The following TMEM132D variants were observed in gnomAD, a reference collection of about 807,000 sequenced individuals.
TMEM132D encodes the protein transmembrane protein 132D.
Under a neutral mutation model 62.3 loss-of-function variants are expected in TMEM132D, and 21 were observed. The ratio of observed to expected loss-of-function variants is 0.34; its 90% CI spans 0.24 to 0.49. The LOEUF (loss-of-function observed/expected upper bound fraction) is 0.49, where lower values mean the gene tolerates loss of function less well. Ranked by LOEUF, TMEM132D falls within the 20% of genes least tolerant of loss-of-function variation. The pLI is 0.99. For synonymous variants in TMEM132D, 621 were observed against 575.6 expected (o/e 1.08, Z -1.13); for missense variants, 1,346 against 1,402.8 (o/e 0.96, Z 0.65).
intron 1 of TMEM132D, among the ~76,000 whole-genome samples, chr12:129,703,481 T>G (rs1195614451): frequency 6.7e-6 from 1 of 148,532 alleles, no homozygotes; most frequent in Non-Finnish European, 1.5e-5. Flanking sequence ...TTTTTTTAAC[T>G]AATACTACAA....
intron 3 of TMEM132D, among the ~76,000 whole-genome samples, chr12:129,466,624 C>A (rs531681960): frequency 2.0e-5 from 3 of 152,146 alleles, no homozygotes; most frequent in Non-Finnish European, 4.4e-5. Context: ...ACTTAACACA[C>A]ACTTATTAGG....
chr12:129,435,014 A>G (rs945312264), intron 3 of TMEM132D, among the ~76,000 whole-genome samples: 1 of 152,148 alleles, frequency 6.6e-6, no homozygotes, highest in African/African-American at 2.4e-5. Flanking sequence ...TTACTGTGTA[A>G]TTCTATGAGA....
intron 3 of TMEM132D, among the ~76,000 whole-genome samples, chr12:129,461,960 G>A (rs1455342211): frequency 2.0e-5 from 3 of 152,266 alleles, no homozygotes; most frequent in South Asian, 2.1e-4. Flanking sequence ...ATTGAAAATC[G>A]TAGGGGATAG....
At chr12:129,812,891 G>T (rs12228927) in intron 1 of TMEM132D, among the ~76,000 whole-genome samples, 1 of 151,630 alleles carries the variant, frequency 6.6e-6, no homozygotes, top group African/African-American at 2.4e-5. Context: ...GTGTCCCTAA[G>T]CCTGACAATT....
intron 2 of TMEM132D, among the ~76,000 whole-genome samples, chr12:129,550,085 TTA>T (rs1347588638): frequency 6.6e-6 from 1 of 152,188 alleles, no homozygotes; most frequent in Non-Finnish European, 1.5e-5. Context: ...CCAGCTCTGA[TTA>T]TATAAGAGAC....
chr12:129,543,805 T>A (rs1341592887), intron 2 of TMEM132D, among the ~76,000 whole-genome samples: 1 of 152,218 alleles, frequency 6.6e-6, no homozygotes, highest in Non-Finnish European at 1.5e-5. Flanking sequence ...ATGTAAAGCA[T>A]TTATAGATCC....
chr12:129,557,562 G>T (rs946014473), intron 2 of TMEM132D, among the ~76,000 whole-genome samples: 9 of 149,530 alleles, frequency 6.0e-5, no homozygotes, highest in African/African-American at 2.2e-4. Context: ...AAAAAAATCA[G>T]AAAATTAGCC....
chr12:129,500,873 C>G (rs1430350521), intron 3 of TMEM132D, among the ~76,000 whole-genome samples: 1 of 152,190 alleles, frequency 6.6e-6, no homozygotes, highest in Non-Finnish European at 1.5e-5. Flanking sequence ...GATAAACCAT[C>G]CACCAAGCAG....
At chr12:129,243,726 A>T (rs1342620089) in intron 4 of TMEM132D, among the ~76,000 whole-genome samples, 1 of 152,222 alleles carries the variant, frequency 6.6e-6, no homozygotes, top group East Asian at 1.9e-4. Flanking sequence ...AATGCAAAGT[A>T]AATTAGATTC....
At position 129,082,037 on chromosome 12, in the gene TMEM132D, G is replaced by A. The variant is rs1376673906; in HGVS notation, c.1650-5C>T. The A allele has an allele frequency of 6.3e-7, 1 of 1,596,320 alleles. No homozygotes were observed. Among genetic ancestry groups the A allele is most frequent in the Non-Finnish European group, 8.6e-7 (1 of 1,169,174 alleles). On this transcript the variant is annotated splice_polypyrimidine_tract_variant and splice_region_variant and intron_variant, in intron 6 of 8. Transcript: ENST00000422113. ...TCTTCACTGTCCCCGGCAGGCCTGT[G>A]AAAGAAGCAGTGCAGTTTGCAGACA...
chr12:129,665,025 C>T (rs931943804), intron 2 of TMEM132D, among the ~76,000 whole-genome samples: 5 of 152,232 alleles, frequency 3.3e-5, no homozygotes, highest in South Asian at 4.1e-4. Context: ...AGAGTCTACA[C>T]GCTTAACTAC....
At chr12:129,725,443 C>T (rs1868996452) in intron 1 of TMEM132D, among the ~76,000 whole-genome samples, 1 of 152,204 alleles carries the variant, frequency 6.6e-6, no homozygotes. Flanking sequence ...GCTGGTGATG[C>T]CACCGAACTT....
chr12:129,089,376 A>G lies in TMEM132D; in HGVS notation c.1444-4674T>C, dbSNP rs1406218730. Among the ~76,000 whole-genome samples the G allele has an allele frequency of 5.1e-3, 120 of 23,496 alleles. 4 individuals carry two copies. Among genetic ancestry groups the G allele is most frequent in the African/African-American group, 0.028 (87 of 3,062 alleles). 15.4% of individuals were successfully genotyped at this position (23,496 alleles called of 152,430 possible). Reference sequence around the variant, plus strand: ...GACCGGGGTGTCCTCTATGACCGGGATGTCCTCCATGACCGGGTGTCCTCC... The same window carrying G: ...GACCGGGGTGTCCTCTATGACCGGGGTGTCCTCCATGACCGGGTGTCCTCC... On this transcript the variant is annotated intron_variant, in intron 5 of 8. Transcript: ENST00000422113.
chr12:129,836,245 G>C (rs1002444613), intron 1 of TMEM132D, among the ~76,000 whole-genome samples: 1 of 152,118 alleles, frequency 6.6e-6, no homozygotes, highest in East Asian at 1.9e-4. Flanking sequence ...CCTTTAAAAA[G>C]CTCTGTCTGC....
At chr12:129,145,578 C>A (rs933734969) in intron 5 of TMEM132D, among the ~76,000 whole-genome samples, 1 of 152,102 alleles carries the variant, frequency 6.6e-6, no homozygotes, top group Non-Finnish European at 1.5e-5. Context: ...CTGCCAAGAT[C>A]TTCTGCCTGA....
intron 3 of TMEM132D, among the ~76,000 whole-genome samples, chr12:129,428,426 A>T (rs950223825): frequency 1.2e-4 from 18 of 152,226 alleles, no homozygotes; most frequent in Admixed American, 1.2e-3. Flanking sequence ...AAGGATTCCA[A>T]TTTGCATTTT....
intron 3 of TMEM132D, among the ~76,000 whole-genome samples, chr12:129,415,838 A>ACCCT (rs1292890341): frequency 1.3e-5 from 2 of 151,902 alleles, no homozygotes; most frequent in Non-Finnish European, 2.9e-5. Context: ...CCAGCACCCA[A>ACCCT]CCCTCCCTTT....
At chr12:129,153,568 T>C (rs1877142524) in intron 5 of TMEM132D, among the ~76,000 whole-genome samples, 1 of 152,056 alleles carries the variant, frequency 6.6e-6, no homozygotes, top group African/African-American at 2.4e-5. Context: ...TCTTAACGAT[T>C]TTCACAAGCT....
Position 129,542,657 on chromosome 12 carries a change from C to A in TMEM132D, c.969-11452G>T, listed in dbSNP as rs562180980. On this transcript the variant is annotated intron_variant, in intron 2 of 8. Transcript: ENST00000422113. ...AAATATATGTACACCAATGACAACA[C>A]GCTGTACACACAGTTATACTACATA... Among the ~76,000 whole-genome samples, 3 of 152,036 alleles carry A rather than the reference C, an allele frequency of 2.0e-5. No individual in the cohort carries two copies. The East Asian group carries it at 5.8e-4, about 29-fold the overall frequency.
Sources: gnomAD v4.1 joint callset for allele counts (sites outside exome capture counted in the v4.1 genomes callset) on GRCh38, gnomAD v4.1.1 for gene constraint, MANE v1.5 for transcripts, NCBI Gene and HGNC (gene_info 2026-07-23, HGNC 2026-07-21) for gene names.